KDM6A: variants seen among roughly 807,000 people sequenced by gnomAD.
KDM6A encodes lysine demethylase 6A.
KDM6A carries 11 observed loss-of-function variants against 117.6 expected under a neutral mutation model. The observed-to-expected ratio is 0.09, with a 90% CI of 0.06 to 0.15. The LOEUF is 0.15. Ranked by LOEUF, KDM6A falls within the 10% of genes least tolerant of loss-of-function variation. KDM6A has a pLI of 1.00. For missense variants in KDM6A, 799 were observed against 1,077.3 expected (o/e 0.74, Z 3.62); for synonymous variants, 384 against 396.1 (o/e 0.97, Z 0.36).
rs1480523042 is a variant in KDM6A, at chrX:45,079,075, A to G, written c.3095-71A>G. ...AAATGCTTTACCTTCTTCCTTTAAAAAAAAAAAGCACTTAAAATATTATCC... is the reference window on the plus strand; with the variant it reads ...AAATGCTTTACCTTCTTCCTTTAAAGAAAAAAAGCACTTAAAATATTATCC... On this transcript the variant is annotated intron_variant, in intron 20 of 29. Transcript: ENST00000611820. 4.3e-6 allele frequency: 4 copies of G among 929,608 alleles called. No homozygotes were observed. The East Asian group carries it at 1.3e-4, about 31-fold the overall frequency. 76.6% of individuals were successfully genotyped at this position (929,608 alleles called of 1,213,427 possible).
At chrX:45,088,598 A>G (rs1009031148) in intron 25 of KDM6A, among the ~76,000 whole-genome samples, 1 of 113,734 alleles carries the variant, frequency 8.8e-6, no homozygotes, top group Non-Finnish European at 1.9e-5. Context: ...ACAATTGTAA[A>G]GTATACTTTA....
chrX:44,911,409 C>T (rs1371618546), intron 2 of KDM6A, among the ~76,000 whole-genome samples: 100 of 107,593 alleles, frequency 9.3e-4, no homozygotes, highest in African/African-American at 2.7e-3. Context: ...CGGGCAGAGG[C>T]GCTCCTCACA....
intron 3 of KDM6A, among the ~76,000 whole-genome samples, chrX:44,963,282 C>T (rs1311432039): frequency 1.8e-5 from 2 of 109,076 alleles, no homozygotes; most frequent in Non-Finnish European, 3.8e-5. Context: ...GACAACATAG[C>T]GAGACCCCCT....
chrX:45,078,520 A>G lies in KDM6A; in HGVS notation c.3094+15A>G. 2 of 1,165,816 alleles carry G rather than the reference A, an allele frequency of 1.7e-6. No homozygotes were observed. Among genetic ancestry groups the G allele is most frequent in the Non-Finnish European group, 2.3e-6 (2 of 856,593 alleles). On this transcript the variant is annotated intron_variant, in intron 20 of 29. Transcript: ENST00000611820. ...TCTTAAGTTAGGTAAGCCTTAAATT[A>G]AAAAAGGAAAACGTTTGTCTCTTTG... is the stretch of plus-strand genomic sequence containing the variant.
chrX:45,100,720 A>G (rs907015905), intron 27 of KDM6A, among the ~76,000 whole-genome samples: 1 of 111,371 alleles, frequency 9.0e-6, no homozygotes, highest in Non-Finnish European at 1.9e-5. Context: ...ATTCTCTTCA[A>G]TTTCAACAGT....
rs1354130287 is a variant in KDM6A at position 45,070,071 on chromosome X, G to A, written c.2572G>A (p.Ala858Thr). The change falls in exon 18 of 30, where the codon GCT becomes ACT. Residue 858 changes from alanine (A) to threonine (T), a missense_variant. Ala to Thr is a moderately conservative substitution (Grantham distance 58, BLOSUM62 0). Coordinates refer to ENST00000611820, the MANE Select transcript of KDM6A (RefSeq NM_001291415.2). The part of the protein sequence containing the change: ...TCDKVNNIHP[A>T]VHTKTDNSVA... Reference sequence around the variant, plus strand: ...TGACAAAGTCAATAACATCCACCCAGCTGTTCATACAAAGACTGATAACTC... The same window carrying A: ...TGACAAAGTCAATAACATCCACCCAACTGTTCATACAAAGACTGATAACTC... 1 of 1,209,947 alleles carries A rather than the reference G, an allele frequency of 8.3e-7. No homozygotes were observed. The highest frequency in any genetic ancestry group is 1.7e-5 in the African/African-American group (1 of 57,146).
chrX:44,961,421 G>T (rs1476393812), intron 3 of KDM6A, 29 bp downstream of exon 3: 2 of 930,426 alleles, frequency 2.1e-6, no homozygotes, highest in South Asian at 4.1e-5. Context: ...ATTATTGTTT[G>T]ATTTATACAT....
chrX:44,884,630 T>C (rs1009525285), intron 2 of KDM6A, among the ~76,000 whole-genome samples: 2 of 111,828 alleles, frequency 1.8e-5, no homozygotes, highest in African/African-American at 6.5e-5. Context: ...TCTTGGATAA[T>C]GGTAACGTCT....
intron 2 of KDM6A, among the ~76,000 whole-genome samples, chrX:44,912,628 C>A (rs962634656): frequency 8.9e-6 from 1 of 111,951 alleles, no homozygotes; most frequent in African/African-American, 3.3e-5. Flanking sequence ...ACCTACTGAA[C>A]AGAGAGGGTT....
chrX:44,873,743 T>C (rs2146445320), intron 1 of KDM6A, 31 bp downstream of exon 1: 1 of 1,160,926 alleles, frequency 8.6e-7, no homozygotes, highest in Non-Finnish European at 1.2e-6. Context: ...CCCGGTCGGC[T>C]CCGGACGGGC....
In KDM6A at chrX:45,109,138, T is replaced by TAAATA. The variant is rs1556378033; in HGVS notation, c.4162-939_4162-938insATAAA. 1.9e-3 allele frequency among the ~76,000 whole-genome samples: 174 copies of TAAATA among 91,553 alleles called. 3 individuals are homozygous for TAAATA. The highest frequency in any genetic ancestry group is 2.7e-3 in the Non-Finnish European group (122 of 45,856). The allele number at this position is 91,553 out of a possible 115,157, so 79.5% of individuals were successfully genotyped here. A position where few individuals can be genotyped will look rare whatever the true frequency, so the allele number is the denominator to read the frequency against. ...GTATAATTTAAAAAAATAATAATAA[T>TAAATA]AATAAATAAATAAATAAATAAATAA... On this transcript the variant is annotated intron_variant, in intron 28 of 29. Transcript: ENST00000611820.
At chrX:44,908,809 T>C (rs1455623775) in intron 2 of KDM6A, among the ~76,000 whole-genome samples, 3 of 112,067 alleles carry the variant, frequency 2.7e-5, no homozygotes, top group Non-Finnish European at 5.6e-5. Context: ...TTGGCTGTAC[T>C]TCTAGGGTTG....
intron 2 of KDM6A, among the ~76,000 whole-genome samples, chrX:44,955,320 C>T (rs958662519): frequency 1.7e-4 from 19 of 109,714 alleles, no homozygotes; most frequent in African/African-American, 5.0e-4. Flanking sequence ...AAAAGAGGAT[C>T]CAGGAGAAAA....
intron 5 of KDM6A, among the ~76,000 whole-genome samples, chrX:45,015,193 C>G (rs978756209): frequency 3.6e-5 from 4 of 110,179 alleles, no homozygotes; most frequent in South Asian, 4.0e-4. Flanking sequence ...TCTCAACCTC[C>G]CGGGGCTCTA....
At chrX:45,064,350 G>A (rs1054421846) in intron 17 of KDM6A, among the ~76,000 whole-genome samples, 1 of 111,315 alleles carries the variant, frequency 9.0e-6, no homozygotes, top group Admixed American at 9.6e-5. Context: ...GGTGAAGTGT[G>A]CCTAGAAGAT....
chrX:44,977,459 A>G (rs780898580), intron 4 of KDM6A, among the ~76,000 whole-genome samples: 1 of 110,495 alleles, frequency 9.1e-6, no homozygotes, highest in Non-Finnish European at 1.9e-5. Context: ...GAATCTCACT[A>G]TATTACTCAG....
intron 8 of KDM6A, among the ~76,000 whole-genome samples, chrX:45,042,638 TACTTCTCTACATAGGAAGAAGTTTCCCC>T (rs1556282099): frequency 9.4e-6 from 1 of 106,939 alleles, no homozygotes; most frequent in African/African-American, 3.5e-5. Context: ...GAAGTTTCTC[TACTTCTCTACATAGGAAGAAGTTTCCCC>T]ACTTCTCTAC....
chrX:44,951,010 C>T (rs887942699), intron 2 of KDM6A, among the ~76,000 whole-genome samples: 1 of 110,329 alleles, frequency 9.1e-6, no homozygotes, highest in African/African-American at 3.3e-5. Flanking sequence ...CTTTTACGTG[C>T]CCATCTTACC....
intron 25 of KDM6A, among the ~76,000 whole-genome samples, chrX:45,089,403 G>GT (rs763871582): frequency 2.7e-5 from 3 of 109,968 alleles, no homozygotes; most frequent in African/African-American, 1.0e-4. Context: ...GCAGGTGCCT[G>GT]TAATCCCAGT....
Sources: allele counts gnomAD v4.1 joint callset (sites outside exome capture counted in the v4.1 genomes callset), GRCh38; gene constraint gnomAD v4.1.1; transcripts MANE v1.5; gene names NCBI Gene and HGNC (gene_info 2026-07-23, HGNC 2026-07-21).